KRT8: variants seen among roughly 807,000 people sequenced by gnomAD.
The protein encoded by KRT8 is keratin, type II cytoskeletal 8.
In KRT8, 24 loss-of-function variants were observed where a neutral mutation model predicts 43.0. That is an observed-to-expected ratio of 0.56 (90% CI 0.40 to 0.78). The LOEUF (loss-of-function observed/expected upper bound fraction) is 0.78, where lower values mean the gene tolerates loss of function less well. Among genes scored for constraint, KRT8 ranks in the 30% least tolerant of loss-of-function variants. KRT8 has a pLI of 0.00. For synonymous variants in KRT8, 214 were observed against 261.2 expected, an observed-to-expected ratio of 0.82 and a Z score of 1.74; for missense variants, 492 against 638.4, an observed-to-expected ratio of 0.77 and a Z score of 2.47.
intron 2 of KRT8, among the ~76,000 whole-genome samples, chr12:52,930,118 G>T (rs1942059802): frequency 6.6e-6 from 1 of 152,136 alleles, no homozygotes; most frequent in Non-Finnish European, 1.5e-5. Flanking sequence ...ATAGAATGGT[G>T]CCTGATACAT....
intron 2 of KRT8, among the ~76,000 whole-genome samples, chr12:52,922,242 G>A (rs1941903287): frequency 8.1e-6 from 1 of 123,114 alleles, no homozygotes; most frequent in Non-Finnish European, 1.7e-5. Flanking sequence ...GGGAGAGCCA[G>A]AACTGGACCC....
At chr12:52,908,993 GAC>G (rs1202038139), upstream of KRT8, among the ~76,000 whole-genome samples, 1 of 152,138 alleles carries the variant, frequency 6.6e-6, no homozygotes, top group Non-Finnish European at 1.5e-5. Flanking sequence ...CTGCGTGGGA[GAC>G]AGAGTGAAAC....
At chr12:52,908,267 C>G (rs920171811), upstream of KRT8, among the ~76,000 whole-genome samples, 30 of 152,148 alleles carry the variant, frequency 2.0e-4, no homozygotes, top group African/African-American at 7.2e-4. Flanking sequence ...GCTCTGTCAC[C>G]CAGACTGGAG....
At chr12:52,899,187 C>T (rs1261891522) in intron 5 of KRT8, among the ~76,000 whole-genome samples, 1 of 152,106 alleles carries the variant, frequency 6.6e-6, no homozygotes, top group African/African-American at 2.4e-5. Flanking sequence ...TGGTGGCGGG[C>T]GCCTGTAGTC....
At chr12:52,933,465 A>G (rs1213415167) in intron 2 of KRT8, among the ~76,000 whole-genome samples, 1 of 152,176 alleles carries the variant, frequency 6.6e-6, no homozygotes, top group African/African-American at 2.4e-5. Flanking sequence ...GGAAGACTCA[A>G]TGTTGTTAAG....
chr12:52,908,275 G>T (rs1941564527), upstream of KRT8, among the ~76,000 whole-genome samples: 1 of 152,108 alleles, frequency 6.6e-6, no homozygotes, highest in African/African-American at 2.4e-5. Flanking sequence ...ACCCAGACTG[G>T]AGTGCAGTGG....
upstream of KRT8, among the ~76,000 whole-genome samples, chr12:52,910,846 C>G (rs1592170138): frequency 6.6e-6 from 1 of 152,212 alleles, no homozygotes; most frequent in African/African-American, 2.4e-5. Context: ...GATTTTCCTG[C>G]TGGGCAACCT....
intron 2 of KRT8, among the ~76,000 whole-genome samples, chr12:52,938,170 A>ATATATATTTTTTTT (rs1555189967): frequency 6.6e-5 from 2 of 30,318 alleles, no homozygotes; most frequent in Non-Finnish European, 5.9e-5. Context: ...ATATATATAT[A>ATATATATTTTTTTT]TTTTTTTTTT....
intron 2 of KRT8, among the ~76,000 whole-genome samples, chr12:52,935,539 A>G (rs1592184634): frequency 6.6e-6 from 1 of 151,272 alleles, no homozygotes. Context: ...TAAAAAAAAA[A>G]AAAAAGGAAA....
intron 2 of KRT8, among the ~76,000 whole-genome samples, chr12:52,923,654 G>A (rs771279357): frequency 2.0e-5 from 3 of 151,794 alleles, no homozygotes; most frequent in Non-Finnish European, 4.4e-5. Context: ...TCCTGACCTC[G>A]TGATCCGCCC....
At chr12:52,913,459 G>A (rs547511087) in intron 2 of KRT8, among the ~76,000 whole-genome samples, 3 of 152,242 alleles carry the variant, frequency 2.0e-5, no homozygotes, top group Non-Finnish European at 4.4e-5. Context: ...CAGGAGGGCA[G>A]AGGTGCATGA....
chr12:52,908,475 T>G (rs1057196056), upstream of KRT8, among the ~76,000 whole-genome samples: 2 of 152,142 alleles, frequency 1.3e-5, no homozygotes, highest in African/African-American at 4.8e-5. Flanking sequence ...ATGTTACAAT[T>G]AAAAGGAATG....
intron 2 of KRT8, among the ~76,000 whole-genome samples, chr12:52,935,980 G>A (rs1438671932): frequency 2.0e-5 from 3 of 152,096 alleles, no homozygotes; most frequent in African/African-American, 7.2e-5. Context: ...AAGGCTGGGC[G>A]AGGTGGCTAA....
At chr12:52,921,989 G>A (rs918875589) in intron 2 of KRT8, among the ~76,000 whole-genome samples, 5 of 151,154 alleles carry the variant, frequency 3.3e-5, no homozygotes, top group Non-Finnish European at 5.9e-5. Context: ...AACACAGCAA[G>A]ACCCTGTCTA....
At chr12:52,911,284 G>A (rs1057451266), upstream of KRT8, among the ~76,000 whole-genome samples, 7 of 152,056 alleles carry the variant, frequency 4.6e-5, no homozygotes, top group South Asian at 2.1e-4. Context: ...CCCAGGAGGC[G>A]GAGGTTGCAG....
chr12:52,927,807 G>C (rs985205427), intron 2 of KRT8, among the ~76,000 whole-genome samples: 4 of 152,310 alleles, frequency 2.6e-5, no homozygotes, highest in Non-Finnish European at 5.9e-5. Flanking sequence ...AGCCAGGCGC[G>C]ATGGCTCACT....
intron 2 of KRT8, among the ~76,000 whole-genome samples, chr12:52,918,183 A>AGAAGAAGAAGAAGAAGAAGAG (rs1565725571): frequency 4.6e-5 from 5 of 108,358 alleles, no homozygotes; most frequent in African/African-American, 2.0e-4. Context: ...AGGAAGAGGA[A>AGAAGAAGAAGAAGAAGAAGAG]GAAGAAGAAG....
intron 2 of KRT8, among the ~76,000 whole-genome samples, chr12:52,944,802 C>T (rs540962238): frequency 6.6e-6 from 1 of 152,310 alleles, no homozygotes; most frequent in South Asian, 2.1e-4. Context: ...GGAAGAGGGC[C>T]TGGCCCAAGC....
At chr12:52,928,899 T>C (rs1942038727) in intron 2 of KRT8, among the ~76,000 whole-genome samples, 1 of 151,930 alleles carries the variant, frequency 6.6e-6, no homozygotes, top group East Asian at 1.9e-4. Context: ...AGAGTGAAAC[T>C]CCAACTCAAA....
Sources: gnomAD v4.1 joint callset for allele counts (sites outside exome capture counted in the v4.1 genomes callset) on GRCh38, gnomAD v4.1.1 for gene constraint, MANE v1.5 for transcripts, NCBI Gene and HGNC (gene_info 2026-07-23, HGNC 2026-07-21) for gene names.